Variants in FASTKD5 observed in about 807,000 individuals in gnomAD.
The protein encoded by FASTKD5 is FAST kinase domains 5, also known as non-canonical pre-mRNAs endonuclease FASTKD5, mitochondrial.
In FASTKD5, 30 loss-of-function variants were observed where a neutral mutation model predicts 44.0. The observed-to-expected ratio is 0.68, with a 90% CI of 0.51 to 0.93. The LOEUF (loss-of-function observed/expected upper bound fraction) is 0.93, where lower values mean the gene tolerates loss of function less well. Among genes scored for constraint, FASTKD5 ranks in the 40% least tolerant of loss-of-function variants. The probability of loss-of-function intolerance (pLI) is 0.00; values close to 1 mark genes in which losing one functional copy is unlikely to be tolerated. For synonymous variants in FASTKD5, 335 were observed against 342.2 expected (o/e 0.98, Z 0.23); for missense variants, 868 against 908.2 (o/e 0.96, Z 0.57).
At position 3,149,247 on chromosome 20, in the gene FASTKD5, A is replaced by C. The variant is rs2066600709; in HGVS notation, c.-177T>G. The C allele has an allele frequency of 3.2e-6, 2 of 633,020 alleles. No homozygotes were observed. The highest frequency in any genetic ancestry group is 2.7e-6 in the Non-Finnish European group (1 of 371,360). 39.2% of individuals were successfully genotyped at this position (633,020 alleles called of 1,614,324 possible). A position where few individuals can be genotyped will look rare whatever the true frequency, so the allele number is the denominator to read the frequency against. ...AGGGATCACAAATGACTGGGTCAGA[A>C]TTGGTGCCAGATACTGAAAAAAGGG... On this transcript the variant is annotated 5_prime_UTR_variant, in exon 2 of 2. Transcript: ENST00000380266. This position sits in a 1 kb window ranked among gnomAD's most constrained non-coding sequence, Gnocchi z 4.1.
rs147125058 is a variant in FASTKD5 at position 3,146,795 on chromosome 20, A to G, written c.2276T>C (p.Val759Ala). 1,098 of 1,613,884 alleles carry G rather than the reference A, an allele frequency of 6.8e-4. 1 individual carries two copies. Among genetic ancestry groups the G allele is most frequent in the Non-Finnish European group, 9.0e-4 (1,066 of 1,179,928 alleles). Reference sequence around the variant, plus strand: ...TGCCCTTCAGAGAGCAGAGGTGAATACTTTCTCATGAAGAAACGCCAACTT... The same window carrying G: ...TGCCCTTCAGAGAGCAGAGGTGAATGCTTTCTCATGAAGAAACGCCAACTT... ...LEKLAFLHEK[V>A]FTSAL The change falls in exon 2 of 2, where the codon GTA becomes GCA. Residue 759 changes from valine (V) to alanine (A), a missense_variant. Transcript: ENST00000380266.
chr20:3,148,561 C>A lies in FASTKD5; in HGVS notation c.510G>T (p.Leu170=), dbSNP rs777660496. 1 of 1,614,148 alleles carries A rather than the reference C, an allele frequency of 6.2e-7. No individual in the cohort carries two copies. The highest frequency in any genetic ancestry group is 2.2e-5 in the East Asian group (1 of 44,894). ...GATGCTGCTCTGCAGGCAAAGAGCTCAGCTTACACAAATAATCAACAATGA... is the reference window on the plus strand; with the variant it reads ...GATGCTGCTCTGCAGGCAAAGAGCTAAGCTTACACAAATAATCAACAATGA... ...AQVIVDYLCK[L]SSLPAEQHPV... is the part of the protein sequence containing the mutation. The change falls in exon 2 of 2, where the codon CTG becomes CTT. Residue 170 remains leucine, a synonymous_variant. Coordinates refer to ENST00000380266, the MANE Select transcript of FASTKD5 (RefSeq NM_021826.5).
intron 1 of FASTKD5, among the ~76,000 whole-genome samples, chr20:3,157,885 G>A (rs561473064): frequency 4.1e-4 from 63 of 152,192 alleles, no homozygotes; most frequent in African/African-American, 1.4e-3. Context: ...AATAAAGAAG[G>A]AGTTTCAGAA....
Position 3,148,038 on chromosome 20 carries a change from A to G in FASTKD5, c.1033T>C (p.Cys345Arg). Reference protein sequence around the residue: ...FVMRKIGDLACANIQHLSSRS... With the variant: ...FVMRKIGDLARANIQHLSSRS... Reference sequence around the variant, plus strand: ...CTACTCAGATGCTGAATGTTAGCACAAGCCAAGTCTCCAATTTTCCGCATG... The same window carrying G: ...CTACTCAGATGCTGAATGTTAGCACGAGCCAAGTCTCCAATTTTCCGCATG... The change falls in exon 2 of 2, where the codon TGT (cysteine) becomes CGT (arginine). Residue 345 changes from cysteine to arginine, a missense_variant. Physicochemically the swap from Cys to Arg is radical, Grantham distance 180. Coordinates refer to ENST00000380266, the MANE Select transcript of FASTKD5 (RefSeq NM_021826.5). 6.2e-7 allele frequency: 1 copy of G among 1,614,208 alleles called. No individual in the cohort carries two copies. The highest frequency in any genetic ancestry group is 8.5e-7 in the Non-Finnish European group (1 of 1,180,036).
Position 3,147,925 on chromosome 20 carries a change from A to T in FASTKD5, c.1146T>A (p.Pro382=), listed in dbSNP as rs878994241. The change falls in exon 2 of 2, where the codon CCT becomes CCA. Residue 382 remains proline, a synonymous_variant. Coordinates refer to ENST00000380266, the MANE Select transcript of FASTKD5 (RefSeq NM_021826.5). ...NFMKQIGEIA[P]QRIPSLGVQG... ...GAACTCCCAGGGAAGGAATTCGCTG[A>T]GGAGCTATCTCTCCAATCTGCTTCA... 6.2e-7 allele frequency: 1 copy of T among 1,614,248 alleles called. No homozygotes were observed. The highest frequency in any genetic ancestry group is 1.1e-5 in the South Asian group (1 of 91,092).
chr20:3,147,636 G>A lies in FASTKD5; in HGVS notation c.1435C>T (p.Leu479=). The part of the protein sequence containing the change: ...PEHLPTCLLG[L]AFLEYFPVEL... ...ACTGGAAAGTACTCCAAAAATGCCAGGCCCAGCAGGCAGGTGGGCAGGTGT... is the reference window on the plus strand; with the variant it reads ...ACTGGAAAGTACTCCAAAAATGCCAAGCCCAGCAGGCAGGTGGGCAGGTGT... Residue 479 remains leucine, a synonymous_variant, in exon 2 of 2, where the codon CTG becomes TTG. Transcript: ENST00000380266. 1.9e-6 allele frequency: 3 copies of A among 1,614,216 alleles called. No individual in the cohort carries two copies. The highest frequency in any genetic ancestry group is 2.5e-6 in the Non-Finnish European group (3 of 1,180,046).
chr20:3,149,067 C>T lies in FASTKD5; in HGVS notation c.4G>A (p.Ala2Thr), dbSNP rs115821648. 6.2e-7 allele frequency: 1 copy of T among 1,608,068 alleles called. No individual in the cohort carries two copies. The highest frequency in any genetic ancestry group is 8.5e-7 in the Non-Finnish European group (1 of 1,176,638). M[A>T]ATLKSLKLVR... is the part of the protein sequence containing the mutation. ...AGTTTTAATGACTTGAGAGTAGCTG[C>T]CATTCTGGTGTCAGTATTGATCTCT... The change falls in exon 2 of 2, where the codon GCA becomes ACA. Residue 2 changes from alanine to threonine, a missense_variant. Physicochemically the swap from Ala to Thr is moderately conservative, Grantham distance 58. Coordinates refer to ENST00000380266, the MANE Select transcript of FASTKD5 (RefSeq NM_021826.5). This position sits in a 1 kb window ranked among gnomAD's most constrained non-coding sequence, Gnocchi z 4.1.
chr20:3,148,958 T>G lies in FASTKD5; in HGVS notation c.113A>C (p.His38Pro), dbSNP rs768262475. The G allele has an allele frequency of 6.2e-7, 1 of 1,614,208 alleles. No individual in the cohort carries two copies. Among genetic ancestry groups the G allele is most frequent in the South Asian group, 1.1e-5 (1 of 91,072 alleles). ...GTGTTCTGGAGGGTCCTGTCCCCCATGCTGTGTGCTGCTCACATTCCAGTA... is the reference window on the plus strand; with the variant it reads ...GTGTTCTGGAGGGTCCTGTCCCCCAGGCTGTGTGCTGCTCACATTCCAGTA... Reference protein sequence around the residue: ...VSYWNVSSTQHGGQDPPEHIS... With the variant: ...VSYWNVSSTQPGGQDPPEHIS... Residue 38 changes from histidine to proline, a missense_variant, in exon 2 of 2, where the codon CAT becomes CCT. By Grantham distance (77) the His-to-Pro change is moderately conservative. Coordinates refer to ENST00000380266, the MANE Select transcript of FASTKD5 (RefSeq NM_021826.5).
Position 3,148,967 on chromosome 20 carries a change from C to T in FASTKD5, c.104G>A (p.Ser35Asn). ...VRSVSYWNVS[S>N]TQHGGQDPPE... ...AGGGTCCTGTCCCCCATGCTGTGTGCTGCTCACATTCCAGTATGACACACT... is the reference window on the plus strand; with the variant it reads ...AGGGTCCTGTCCCCCATGCTGTGTGTTGCTCACATTCCAGTATGACACACT... Residue 35 changes from serine to asparagine, a missense_variant, in exon 2 of 2, where the codon AGC (serine) becomes AAC (asparagine). Coordinates refer to ENST00000380266, the MANE Select transcript of FASTKD5 (RefSeq NM_021826.5). 1 of 1,614,222 alleles carries T rather than the reference C, an allele frequency of 6.2e-7. No homozygotes were observed. The highest frequency in any genetic ancestry group is 8.5e-7 in the Non-Finnish European group (1 of 1,180,054).
Position 3,147,643 on chromosome 20 carries a change from C to A in FASTKD5, c.1428G>T (p.Leu476=), listed in dbSNP as rs1481987244. 1.9e-6 allele frequency: 3 copies of A among 1,614,110 alleles called. No individual in the cohort carries two copies. Among genetic ancestry groups the A allele is most frequent in the Non-Finnish European group, 2.5e-6 (3 of 1,180,052 alleles). ...NQYPEHLPTC[L]LGLAFLEYFP... is the part of the protein sequence containing the mutation. ...AGTACTCCAAAAATGCCAGGCCCAG[C>A]AGGCAGGTGGGCAGGTGTTCTGGGT... The change falls in exon 2 of 2, where the codon CTG becomes CTT. Residue 476 remains leucine, a synonymous_variant. Transcript: ENST00000380266.
Position 3,148,858 on chromosome 20 carries a change from G to C in FASTKD5, c.213C>G (p.Thr71=). The C allele has an allele frequency of 5.0e-6, 8 of 1,614,198 alleles. No individual in the cohort carries two copies. The highest frequency in any genetic ancestry group is 1.6e-4 in the Middle Eastern group (1 of 6,062). ...ATTCCAAACCTGGGTGGGCACTGCT[G>C]GTTGTCAGGATTCTCCGAGAAGAGA... ...STFSSRRILT[T]SSAHPGLEFS... is the part of the protein sequence containing the mutation. Residue 71 remains threonine, a synonymous_variant, in exon 2 of 2, where the codon ACC becomes ACG. Transcript: ENST00000380266.
intron 1 of FASTKD5, among the ~76,000 whole-genome samples, chr20:3,153,849 T>C (rs1568484027): frequency 6.6e-6 from 1 of 152,246 alleles, no homozygotes; most frequent in Non-Finnish European, 1.5e-5. Flanking sequence ...CCAGTGAGCA[T>C]TCCAAATTCA....
intron 1 of FASTKD5, among the ~76,000 whole-genome samples, chr20:3,158,356 G>A (rs972852095): frequency 4.6e-5 from 7 of 152,162 alleles, no homozygotes; most frequent in African/African-American, 1.7e-4. Context: ...ACCAATGGAT[G>A]GGGAAGAAAA....
rs536166513 is a variant in FASTKD5 at position 3,146,835 on chromosome 20, G to A, written c.2236C>T (p.Arg746Ter). 4.3e-6 allele frequency: 7 copies of A among 1,614,116 alleles called. No homozygotes were observed. Among genetic ancestry groups the A allele is most frequent in the East Asian group, 2.2e-5 (1 of 44,880 alleles). The change falls in exon 2 of 2, where the codon CGA becomes TGA. Residue 746 changes from arginine (R) to a stop codon, truncating the protein, a stop_gained. Transcript: ENST00000380266. LOFTEE classifies it high-confidence loss of function. The part of the protein sequence containing the change: ...SYWEWLPLLK[R>*]TRLEKLAFLH... ...AACGCCAACTTTTCTAAGCGAGTTC[G>A]TTTCAGTAGTGGGAGCCATTCCCAG...
intron 1 of FASTKD5, among the ~76,000 whole-genome samples, chr20:3,159,126 G>C (rs1366133460): frequency 6.6e-6 from 1 of 152,152 alleles, no homozygotes; most frequent in Non-Finnish European, 1.5e-5. Context: ...GAAAGAGAAA[G>C]AGCAACTATT....
At chr20:3,159,216 G>A (rs1005340131) in intron 1 of FASTKD5, among the ~76,000 whole-genome samples, 4 of 152,200 alleles carry the variant, frequency 2.6e-5, no homozygotes, top group African/African-American at 9.6e-5. Context: ...TAAAAATGGG[G>A]GGAAGGTATA....
At chr20:3,151,057 T>C (rs114562672) in intron 1 of FASTKD5, among the ~76,000 whole-genome samples, 1 of 150,888 alleles carries the variant, frequency 6.6e-6, no homozygotes, top group African/African-American at 2.5e-5. Flanking sequence ...AGTGTGTGTT[T>C]GTGTGTGTGT....
In FASTKD5 at chr20:3,148,904, A is replaced by G; in HGVS notation, c.167T>C (p.Val56Ala). 10 of 1,614,078 alleles carry G rather than the reference A, an allele frequency of 6.2e-6. No individual in the cohort carries two copies. The highest frequency in any genetic ancestry group is 7.6e-6 in the Non-Finnish European group (9 of 1,180,022). Residue 56 changes from valine (V) to alanine (A), a missense_variant, in exon 2 of 2, where the codon GTT (valine) becomes GCT (alanine). Val to Ala is a moderately conservative substitution (Grantham distance 64, BLOSUM62 0). Coordinates refer to ENST00000380266, the MANE Select transcript of FASTKD5 (RefSeq NM_021826.5). ...AGAGAAGGTGCTACATATGTTCTTA[A>G]CTTTTTTGGCAGAATGGCAGAGGCT... ...HISLCHSAKKVKNICSTFSSR... is the reference protein window; with the variant it reads ...HISLCHSAKKAKNICSTFSSR...
rs1279131041 is a variant in FASTKD5 at position 3,146,794 on chromosome 20, T to C, written c.2277A>G (p.Val759=). ...ATGCCCTTCAGAGAGCAGAGGTGAA[T>C]ACTTTCTCATGAAGAAACGCCAACT... ...LEKLAFLHEK[V]FTSAL is the part of the protein sequence containing the mutation. Residue 759 remains valine (V), a synonymous_variant, in exon 2 of 2, where the codon GTA becomes GTG. Coordinates refer to ENST00000380266, the MANE Select transcript of FASTKD5 (RefSeq NM_021826.5). 6.2e-7 allele frequency: 1 copy of C among 1,613,994 alleles called. No homozygotes were observed. Among genetic ancestry groups the C allele is most frequent in the African/African-American group, 1.3e-5 (1 of 75,052 alleles).
Sources: allele counts gnomAD v4.1 joint callset (sites outside exome capture counted in the v4.1 genomes callset), GRCh38; gene constraint gnomAD v4.1.1; non-coding constraint Gnocchi (gnomAD v3.1); transcripts MANE v1.5; gene names NCBI Gene and HGNC (gene_info 2026-07-23, HGNC 2026-07-21).